ANKRD36C: variants seen among roughly 807,000 people sequenced by gnomAD.
ANKRD36C encodes the protein ankyrin repeat domain 36C.
In ANKRD36C, 61 loss-of-function variants were observed where a neutral mutation model predicts 276.4. The observed-to-expected ratio is 0.22, with a 90% confidence interval of 0.18 to 0.27. The LOEUF is 0.27. ANKRD36C is among the 10% of genes least tolerant of loss of function. ANKRD36C has a pLI of 1.00. For synonymous variants in ANKRD36C, 483 were observed against 680.1 expected (o/e 0.71, Z 4.51); for missense variants, 1,447 against 2,032.3 (o/e 0.71, Z 5.54).
At chr2:95,917,038 T>C (rs1677119714) in intron 36 of ANKRD36C, among the ~76,000 whole-genome samples, 1 of 151,604 alleles carries the variant, frequency 6.6e-6, no homozygotes, top group South Asian at 2.1e-4. Flanking sequence ...GAGTATCAGG[T>C]TGTTCTCTAA....
intron 61 of ANKRD36C, among the ~76,000 whole-genome samples, chr2:95,859,087 G>A (rs1675498252): frequency 6.6e-6 from 1 of 151,464 alleles, no homozygotes; most frequent in East Asian, 1.9e-4. Flanking sequence ...GGGCTGGAGT[G>A]CACTGGTGCA....
intron 26 of ANKRD36C, among the ~76,000 whole-genome samples, chr2:95,928,827 T>G (rs1243825469): frequency 6.6e-6 from 1 of 151,556 alleles, no homozygotes; most frequent in Admixed American, 6.6e-5. Flanking sequence ...TGGTATGTGT[T>G]GAACTTCTCT....
At chr2:95,963,344 T>G (rs931258647) in intron 6 of ANKRD36C, among the ~76,000 whole-genome samples, 1 of 152,114 alleles carries the variant, frequency 6.6e-6, no homozygotes, top group African/African-American at 2.4e-5. Flanking sequence ...CAATATTCAT[T>G]GAAAATAACC....
Position 95,876,711 on chromosome 2 carries a change from G to T in ANKRD36C, c.3470-202C>A, listed in dbSNP as rs1031244772. Among the ~76,000 whole-genome samples, 215 of 146,748 alleles carry T rather than the reference G, an allele frequency of 1.5e-3. 1 individual carries two copies. Among genetic ancestry groups the T allele is most frequent in the Non-Finnish European group, 8.2e-4 (55 of 66,668 alleles). On this transcript the variant is annotated intron_variant, in intron 58 of 66. Coordinates refer to ENST00000456556, the Ensembl canonical transcript of ANKRD36C. ...CTAAAAAATACAAAAAATTAGCTGG[G>T]CGTGGTGGTGGGCGCCTGTAGTCCC...
intron 42 of ANKRD36C, among the ~76,000 whole-genome samples, chr2:95,906,359 A>G (rs1243960880): frequency 3.6e-5 from 4 of 112,548 alleles, no homozygotes; most frequent in Non-Finnish European, 5.6e-5. Flanking sequence ...AAATAAAGCA[A>G]AATTATGCTG....
chr2:95,938,378 C>T (rs1677775868), intron 22 of ANKRD36C, among the ~76,000 whole-genome samples: 1 of 152,294 alleles, frequency 6.6e-6, no homozygotes, highest in African/African-American at 2.4e-5. Context: ...CATGCAGAAA[C>T]TCAATCCGGT....
chr2:95,910,672 A>G lies in ANKRD36C; in HGVS notation c.2653+1572T>C, dbSNP rs1208672787. 1.3e-5 allele frequency: 20 copies of G among 1,573,748 alleles called. No homozygotes were observed. In the East Asian group the frequency reaches 2.6e-4, roughly 20 times the overall value. On this transcript the variant is annotated intron_variant, in intron 42 of 66. Transcript: ENST00000456556. ...CAAACTCTGTCCTCCTGCCTGTATT[A>G]GCGCAGGCTTTGATGGCTTCTACTT...
intron 24 of ANKRD36C, among the ~76,000 whole-genome samples, chr2:95,933,305 T>A (rs1677619822): frequency 6.6e-6 from 1 of 152,294 alleles, no homozygotes; most frequent in Non-Finnish European, 1.5e-5. Context: ...AGTAGTTTTT[T>A]CTAATTCTGT....
At chr2:95,872,924 G>A (rs943840161) in intron 59 of ANKRD36C, among the ~76,000 whole-genome samples, 7 of 152,130 alleles carry the variant, frequency 4.6e-5, no homozygotes, top group Non-Finnish European at 7.4e-5. Flanking sequence ...TAGAAGAAAT[G>A]GATAAATTCC....
At chr2:95,968,668 T>C (rs986969741) in intron 6 of ANKRD36C, among the ~76,000 whole-genome samples, 11 of 152,220 alleles carry the variant, frequency 7.2e-5, no homozygotes, top group African/African-American at 2.7e-4. Context: ...TGCCCTGTAA[T>C]TCTGGCACTA....
chr2:95,860,023 A>G (rs74941794), exon 61 of ANKRD36C: 2 of 1,547,264 alleles, frequency 1.3e-6, no homozygotes, highest in Admixed American at 2.0e-5. Context: ...AAGTTCTGTT[A>G]ATCTTTTACA....
Position 95,909,953 on chromosome 2 carries a change from C to T in ANKRD36C, c.2653+2291G>A, listed in dbSNP as rs567366053. 4.4e-3 allele frequency among the ~76,000 whole-genome samples: 665 copies of T among 151,172 alleles called. 3 individuals are homozygous for T. Among genetic ancestry groups the T allele is most frequent in the Middle Eastern group, 6.8e-3 (2 of 294 alleles). ...GGGAAAATGATTGCTACACCAGGGG[C>T]CTCCTTAGTTCTCCTACAGTGTGTA... On this transcript the variant is annotated intron_variant, in intron 42 of 66. Transcript: ENST00000456556.
chr2:95,964,285 ATGAAACCCTG>A (rs1678542317), intron 6 of ANKRD36C, among the ~76,000 whole-genome samples: 1 of 151,700 alleles, frequency 6.6e-6, no homozygotes, highest in Non-Finnish European at 1.5e-5. Flanking sequence ...GGGAGGAGAA[ATGAAACCCTG>A]TGGGTCACCC....
At chr2:95,891,009 G>C (rs377288780) in intron 46 of ANKRD36C, among the ~76,000 whole-genome samples, 3 of 151,400 alleles carry the variant, frequency 2.0e-5, no homozygotes, top group Admixed American at 6.6e-5. Flanking sequence ...TAGTAAGAAA[G>C]AGGAGTAATG....
intron 6 of ANKRD36C, among the ~76,000 whole-genome samples, chr2:95,977,322 C>T (rs1286243111): frequency 2.6e-5 from 4 of 152,118 alleles, no homozygotes; most frequent in Non-Finnish European, 5.9e-5. Flanking sequence ...TCTACTGCCA[C>T]CAAATAAATA....
chr2:95,948,494 G>C, intron 17 of ANKRD36C, 36 bp downstream of exon 17: 17 of 1,511,014 alleles, frequency 1.1e-5, no homozygotes, highest in Non-Finnish European at 1.5e-5. Flanking sequence ...ATGAGATTCG[G>C]AGTGAGAAAA....
chr2:95,893,718 G>A, intron 44 of ANKRD36C: 2 of 1,605,540 alleles, frequency 1.2e-6, no homozygotes, highest in Non-Finnish European at 1.7e-6. Context: ...TGGTTTCTGA[G>A]AAGACACTGA....
Position 95,880,279 on chromosome 2 carries a change from A to T in ANKRD36C, c.3469+148T>A, listed in dbSNP as rs188433559. ...TATGCATGTAAATCTCATTTTTGAA[A>T]ATATAAAAATGATAACAGCTGCATT... On this transcript the variant is annotated intron_variant, in intron 58 of 66. Coordinates refer to ENST00000456556, the Ensembl canonical transcript of ANKRD36C. 7.7e-4 allele frequency: 820 copies of T among 1,067,718 alleles called. 3 individuals carry two copies. In the African/African-American group the frequency reaches 0.012, roughly 16 times the overall value. 66.1% of individuals were successfully genotyped at this position (1,067,718 alleles called of 1,614,324 possible).
chr2:95,978,623 C>T (rs1276237663), intron 5 of ANKRD36C, among the ~76,000 whole-genome samples: 2 of 152,050 alleles, frequency 1.3e-5, no homozygotes, highest in Non-Finnish European at 2.9e-5. Context: ...AGCAGTGGAG[C>T]TTGTTCTTGA....
Sources: allele counts gnomAD v4.1 joint callset (sites outside exome capture counted in the v4.1 genomes callset), GRCh38; gene constraint gnomAD v4.1.1; transcripts MANE v1.5; gene names NCBI Gene and HGNC (gene_info 2026-07-23, HGNC 2026-07-21).